Variants in SORCS3 observed in about 807,000 individuals in gnomAD.
SORCS3 encodes VPS10 domain-containing receptor SorCS3.
A neutral mutation model predicts 146.3 loss-of-function variants in SORCS3; 57 were observed. The ratio of observed to expected loss-of-function variants is 0.39; its 90% CI spans 0.31 to 0.49. SORCS3 has a LOEUF of 0.49. Ranked by LOEUF, SORCS3 falls within the 20% of genes least tolerant of loss-of-function variation. The pLI is 0.92. For synonymous variants in SORCS3, 653 were observed against 618.5 expected, an observed-to-expected ratio of 1.06 and a Z score of -0.83; for missense variants, 1,341 against 1,575.5, an observed-to-expected ratio of 0.85 and a Z score of 2.52.
intron 1 of SORCS3, among the ~76,000 whole-genome samples, chr10:104,689,839 C>T (rs1023382709): frequency 1.3e-5 from 2 of 152,134 alleles, no homozygotes; most frequent in Non-Finnish European, 2.9e-5. Flanking sequence ...GGAATTCCAG[C>T]TCGGGATTTT....
chr10:105,261,940 A>T (rs1174244756), intron 25 of SORCS3, among the ~76,000 whole-genome samples: 1 of 152,232 alleles, frequency 6.6e-6, no homozygotes, highest in African/African-American at 2.4e-5. Flanking sequence ...GATTAAATTG[A>T]TGCAACCTTA....
intron 5 of SORCS3, among the ~76,000 whole-genome samples, chr10:105,065,929 A>G (rs1366953735): frequency 6.6e-6 from 1 of 152,238 alleles, no homozygotes; most frequent in Non-Finnish European, 1.5e-5. Context: ...GTAGTGAGTC[A>G]TCTAAAATAA....
chr10:105,029,683 T>G (rs2055251652), intron 4 of SORCS3, among the ~76,000 whole-genome samples: 1 of 152,198 alleles, frequency 6.6e-6, no homozygotes, highest in Admixed American at 6.5e-5. Flanking sequence ...GCCAAGGTAC[T>G]CTTCTTTAAT....
intron 1 of SORCS3, among the ~76,000 whole-genome samples, chr10:104,831,859 G>C (rs115163166): frequency 2.0e-5 from 3 of 152,156 alleles, no homozygotes; most frequent in Non-Finnish European, 4.4e-5. Context: ...ATGGGGGAGG[G>C]GGGTGTGGAA....
intron 5 of SORCS3, among the ~76,000 whole-genome samples, chr10:105,054,542 A>G (rs1355390597): frequency 6.6e-6 from 1 of 151,782 alleles, no homozygotes; most frequent in Non-Finnish European, 1.5e-5. Context: ...TTCCATACCA[A>G]TGGATATTTT....
chr10:105,139,271 G>C, intron 7 of SORCS3, 126 bp from the exon 8 acceptor site: 1 of 733,322 alleles, frequency 1.4e-6, no homozygotes, highest in Admixed American at 2.0e-5. Context: ...CCCAAAGCCA[G>C]CAAGGAATAT....
At chr10:105,207,761 G>A (rs1378727972) in intron 16 of SORCS3, among the ~76,000 whole-genome samples, 1 of 152,086 alleles carries the variant, frequency 6.6e-6, no homozygotes, top group Non-Finnish European at 1.5e-5. Context: ...TACTCTTTGG[G>A]GCAAAGCAAC....
In SORCS3 at chr10:105,176,049, T is replaced by C. The variant is rs144475010; in HGVS notation, c.1902-2017T>C. ...TGTAGGCTGGCTGCTAATGGGGTGGTAATTCACACCCAACTTATGAGTGCC... is the reference window on the plus strand; with the variant it reads ...TGTAGGCTGGCTGCTAATGGGGTGGCAATTCACACCCAACTTATGAGTGCC... On this transcript the variant is annotated intron_variant, in intron 13 of 26. Coordinates refer to ENST00000369701, the MANE Select transcript of SORCS3 (RefSeq NM_014978.3). 1.4e-3 allele frequency among the ~76,000 whole-genome samples: 216 copies of C among 152,246 alleles called. 4 individuals are homozygous for C. The East Asian group carries it at 0.031, about 22-fold the overall frequency.
At chr10:104,825,622 G>C (rs186803232) in intron 1 of SORCS3, among the ~76,000 whole-genome samples, 1 of 152,258 alleles carries the variant, frequency 6.6e-6, no homozygotes, top group African/African-American at 2.4e-5. Context: ...AAAGGTATGA[G>C]CTCAGACTCC....
chr10:105,004,148 A>G (rs1006652419), intron 4 of SORCS3, among the ~76,000 whole-genome samples: 1 of 152,174 alleles, frequency 6.6e-6, no homozygotes, highest in African/African-American at 2.4e-5. Context: ...GGTACAGTGC[A>G]GCTGTCTGCC....
intron 13 of SORCS3, among the ~76,000 whole-genome samples, chr10:105,169,498 A>T (rs2056342529): frequency 6.6e-6 from 1 of 151,960 alleles, no homozygotes; most frequent in Admixed American, 6.6e-5. Flanking sequence ...TGAGAGAGGG[A>T]TACTAGGATT....
intron 5 of SORCS3, among the ~76,000 whole-genome samples, chr10:105,074,282 A>G (rs2055575436): frequency 6.6e-6 from 1 of 152,190 alleles, no homozygotes; most frequent in African/African-American, 2.4e-5. Context: ...AGCTGCGGTG[A>G]CTTAGACAAG....
At chr10:104,993,167 G>A (rs1205183335) in intron 4 of SORCS3, among the ~76,000 whole-genome samples, 8 of 152,194 alleles carry the variant, frequency 5.3e-5, no homozygotes, top group African/African-American at 1.9e-4. Context: ...CGAGGGCTAT[G>A]CCTGCTCATG....
intron 1 of SORCS3, among the ~76,000 whole-genome samples, chr10:104,828,783 G>T (rs2017968204): frequency 1.3e-5 from 2 of 152,074 alleles, no homozygotes; most frequent in Non-Finnish European, 2.9e-5. Context: ...AACTTAATAT[G>T]GTCTGATTTC....
chr10:105,116,715 C>T (rs2133761783), intron 7 of SORCS3, among the ~76,000 whole-genome samples: 1 of 152,080 alleles, frequency 6.6e-6, no homozygotes, highest in Non-Finnish European at 1.5e-5. Flanking sequence ...TAAAAAAGAA[C>T]AAGATTATGT....
At chr10:105,012,913 CA>C (rs139488369) in intron 4 of SORCS3, among the ~76,000 whole-genome samples, 9,008 of 152,102 alleles carry the variant, frequency 0.059, 783 homozygotes, top group African/African-American at 0.19. Flanking sequence ...TACTAAATAA[CA>C]AGCTGTAAAA....
chr10:105,092,942 T>C (rs1460227422), intron 6 of SORCS3, among the ~76,000 whole-genome samples: 1 of 152,176 alleles, frequency 6.6e-6, no homozygotes, highest in East Asian at 1.9e-4. Flanking sequence ...TTAACACTTT[T>C]ATTCAACATT....
intron 4 of SORCS3, among the ~76,000 whole-genome samples, chr10:105,023,541 G>GT (rs1351074059): frequency 8.6e-5 from 13 of 152,026 alleles, no homozygotes; most frequent in East Asian, 7.7e-4. Context: ...CAGAGCAGTG[G>GT]TTTTTTTTGT....
chr10:104,719,693 C>T (rs2016520632), intron 1 of SORCS3, among the ~76,000 whole-genome samples: 1 of 152,148 alleles, frequency 6.6e-6, no homozygotes. Context: ...AAACACCATG[C>T]ATGTATGTGA....
Sources: gnomAD v4.1 joint callset for allele counts (sites outside exome capture counted in the v4.1 genomes callset) on GRCh38, gnomAD v4.1.1 for gene constraint, MANE v1.5 for transcripts, NCBI Gene and HGNC (gene_info 2026-07-23, HGNC 2026-07-21) for gene names.